The following MDFIC2 variants were observed in gnomAD, a reference collection of about 807,000 sequenced individuals.
MDFIC2 encodes the protein myoD family inhibitor domain-containing protein 2.
intron 2 of MDFIC2, among the ~76,000 whole-genome samples, chr3:70,284,516 G>C (rs1702121258): frequency 6.6e-6 from 1 of 152,162 alleles, no homozygotes; most frequent in African/African-American, 2.4e-5. Context: ...ATCAATGATA[G>C]ACTGGATCAA....
intron 2 of MDFIC2, among the ~76,000 whole-genome samples, chr3:70,234,227 G>C (rs1045072041): frequency 2.6e-5 from 4 of 152,120 alleles, no homozygotes; most frequent in African/African-American, 9.7e-5. Flanking sequence ...TTAGAGGGCT[G>C]GGTTGACACC....
chr3:70,251,560 G>A (rs550527359), intron 2 of MDFIC2, among the ~76,000 whole-genome samples: 1 of 152,184 alleles, frequency 6.6e-6, no homozygotes, highest in African/African-American at 2.4e-5. Flanking sequence ...GTACATTCCT[G>A]CTCCTTTCTG....
intron 2 of MDFIC2, among the ~76,000 whole-genome samples, chr3:70,246,221 A>T (rs1326459667): frequency 2.0e-5 from 3 of 152,006 alleles, no homozygotes; most frequent in Non-Finnish European, 2.9e-5. Context: ...TTAATTTTTG[A>T]TATTTTTATC....
At chr3:70,203,089 A>G (rs1464187108) in intron 3 of MDFIC2, among the ~76,000 whole-genome samples, 2 of 152,098 alleles carry the variant, frequency 1.3e-5, no homozygotes, top group Admixed American at 6.6e-5. Context: ...CTGCTACCCC[A>G]GGACTCCTTA....
At chr3:70,269,149 A>G (rs527846012) in intron 2 of MDFIC2, among the ~76,000 whole-genome samples, 3 of 152,348 alleles carry the variant, frequency 2.0e-5, no homozygotes, top group South Asian at 4.1e-4. Context: ...TCAGATAAAT[A>G]GGTATTTTTA....
At chr3:70,210,485 C>T (rs1701332523) in intron 2 of MDFIC2, among the ~76,000 whole-genome samples, 1 of 152,030 alleles carries the variant, frequency 6.6e-6, no homozygotes, top group Non-Finnish European at 1.5e-5. Context: ...TGACATCTTC[C>T]ATCTTTTATA....
chr3:70,204,623 C>G (rs1202180617), intron 3 of MDFIC2: 1 of 151,484 alleles, frequency 6.6e-6, no homozygotes, highest in African/African-American at 2.4e-5. Context: ...ATCTCCTTTG[C>G]TCTTTGAATG....
At chr3:70,282,202 C>T (rs1268791659) in intron 2 of MDFIC2, among the ~76,000 whole-genome samples, 2 of 152,246 alleles carry the variant, frequency 1.3e-5, no homozygotes, top group East Asian at 3.9e-4. Context: ...ACCCTTCTTT[C>T]CTGGCAGTAT....
intron 2 of MDFIC2, among the ~76,000 whole-genome samples, chr3:70,266,614 T>A (rs939555882): frequency 9.9e-5 from 15 of 152,126 alleles, no homozygotes; most frequent in East Asian, 5.8e-4. Context: ...TTAATTTTTT[T>A]ATTTTTATTT....
intron 2 of MDFIC2, among the ~76,000 whole-genome samples, chr3:70,231,156 T>C (rs186734563): frequency 1.1e-4 from 16 of 152,308 alleles, no homozygotes; most frequent in Admixed American, 9.2e-4. Context: ...TGAAAAATAT[T>C]ATTGCCTGAC....
rs1701707283 is a variant in MDFIC2, at chr3:70,246,206, C to T, written c.89-39416G>A. On this transcript the variant is annotated intron_variant, in intron 2 of 3. Coordinates refer to ENST00000567252, the MANE Select transcript of MDFIC2 (RefSeq NM_001364677.1). ...TAAGATTCTTGGAATAGTACATCACCATTTTTAATTTTTGATATTTTTATC... is the reference window on the plus strand; with the variant it reads ...TAAGATTCTTGGAATAGTACATCACTATTTTTAATTTTTGATATTTTTATC... Among the ~76,000 whole-genome samples the T allele has an allele frequency of 2.6e-5, 4 of 152,132 alleles. No homozygotes were observed. In the South Asian group the frequency reaches 8.3e-4, roughly 32 times the overall value.
At chr3:70,227,341 G>GT (rs1430163478) in intron 2 of MDFIC2, among the ~76,000 whole-genome samples, 1 of 151,984 alleles carries the variant, frequency 6.6e-6, no homozygotes. Flanking sequence ...GTTTGTTTTT[G>GT]TTTTTTCCAT....
At chr3:70,206,915 G>A (rs968012002) in intron 2 of MDFIC2, 125 bp from the exon 3 acceptor site, 2 of 392,712 alleles carry the variant, frequency 5.1e-6, no homozygotes, top group Non-Finnish European at 9.0e-6. Flanking sequence ...AACAAATGAA[G>A]TATTATTGAG....
At chr3:70,261,461 G>C (rs11128170) in intron 2 of MDFIC2, among the ~76,000 whole-genome samples, 115,603 of 152,094 alleles carry the variant, frequency 0.76, 44,765 homozygotes, top group Non-Finnish European at 0.84. Context: ...TCCCTCCATG[G>C]TTGTGTTTGT....
At chr3:70,289,041 A>G (rs920013181) in intron 2 of MDFIC2, among the ~76,000 whole-genome samples, 3 of 151,632 alleles carry the variant, frequency 2.0e-5, no homozygotes, top group Non-Finnish European at 2.9e-5. Flanking sequence ...TTTTAATTGG[A>G]GCATTTAGCC....
At chr3:70,239,850 C>CCT (rs1701649145) in intron 2 of MDFIC2, among the ~76,000 whole-genome samples, 1 of 152,036 alleles carries the variant, frequency 6.6e-6, no homozygotes. Flanking sequence ...GCAGATAGAT[C>CCT]ATCAGTGAAT....
At chr3:70,307,928 C>A (rs982559083) in intron 2 of MDFIC2, among the ~76,000 whole-genome samples, 5 of 152,216 alleles carry the variant, frequency 3.3e-5, no homozygotes, top group South Asian at 2.1e-4. Flanking sequence ...GCCTCTGATG[C>A]CTTTGCTCCC....
chr3:70,253,084 A>T (rs1337322106), intron 2 of MDFIC2, among the ~76,000 whole-genome samples: 1 of 140,632 alleles, frequency 7.1e-6, no homozygotes, highest in Admixed American at 6.8e-5. Flanking sequence ...TTGCTCAAAG[A>T]AAAAAAAAAT....
chr3:70,233,892 A>G (rs1701585066), intron 2 of MDFIC2, among the ~76,000 whole-genome samples: 1 of 152,144 alleles, frequency 6.6e-6, no homozygotes, highest in Admixed American at 6.5e-5. Flanking sequence ...CACCCAATTG[A>G]AGGATATTTG....
Sources: allele counts gnomAD v4.1 joint callset (sites outside exome capture counted in the v4.1 genomes callset), GRCh38; gene constraint gnomAD v4.1.1; transcripts MANE v1.5; gene names NCBI Gene and HGNC (gene_info 2026-07-23, HGNC 2026-07-21).